The following VPS54 variants were observed in gnomAD, a reference collection of about 807,000 sequenced individuals.
The protein encoded by VPS54 is vacuolar protein sorting-associated protein 54.
VPS54 carries 45 observed loss-of-function variants against 121.5 expected under a neutral mutation model. The observed-to-expected ratio is 0.37, with a 90% CI of 0.29 to 0.47. The LOEUF is 0.47. Among genes scored for constraint, VPS54 ranks in the 20% least tolerant of loss-of-function variants. The pLI is 0.99. For synonymous variants in VPS54, 371 were observed against 385.8 expected (o/e 0.96, Z 0.45); for missense variants, 1,090 against 1,131.4 (o/e 0.96, Z 0.52).
At chr2:63,971,713 T>A (rs1332826188) in intron 4 of VPS54, among the ~76,000 whole-genome samples, 2 of 152,224 alleles carry the variant, frequency 1.3e-5, no homozygotes, top group Non-Finnish European at 2.9e-5. Flanking sequence ...AGTGATACAA[T>A]TATTGGTTTC....
At chr2:64,010,124 G>C (rs961784051) in intron 1 of VPS54, among the ~76,000 whole-genome samples, 2 of 152,080 alleles carry the variant, frequency 1.3e-5, no homozygotes, top group Non-Finnish European at 2.9e-5. Context: ...TTACAGGCGT[G>C]AGCCACCGCG....
At chr2:63,949,295 A>G in intron 7 of VPS54, 132 bp from the exon 8 acceptor site, 2 of 883,364 alleles carry the variant, frequency 2.3e-6, no homozygotes, top group Non-Finnish European at 1.7e-6. Context: ...TTTTCAAAAA[A>G]TGAAGTCCTT....
chr2:63,924,550 G>T (rs1029044303), intron 12 of VPS54, among the ~76,000 whole-genome samples: 2 of 152,106 alleles, frequency 1.3e-5, no homozygotes, highest in Non-Finnish European at 2.9e-5. Context: ...ACAGTTGCTG[G>T]GCATGGTGGT....
intron 1 of VPS54, among the ~76,000 whole-genome samples, chr2:63,992,927 G>C (rs919504104): frequency 6.6e-6 from 1 of 152,144 alleles, no homozygotes; most frequent in Non-Finnish European, 1.5e-5. Flanking sequence ...ACTTCCTCAG[G>C]GAATGCTAAA....
intron 15 of VPS54, among the ~76,000 whole-genome samples, chr2:63,919,007 T>G (rs1436839898): frequency 2.0e-5 from 3 of 152,122 alleles, no homozygotes; most frequent in African/African-American, 7.2e-5. Context: ...TGTGCGAATG[T>G]GAAGTATACA....
At chr2:63,910,110 G>C (rs1447673107) in intron 20 of VPS54, among the ~76,000 whole-genome samples, 1 of 152,164 alleles carries the variant, frequency 6.6e-6, no homozygotes, top group African/African-American at 2.4e-5. Context: ...AACATGAAAG[G>C]TTAAAAACTG....
chr2:63,948,567 AT>A (rs1002499688), intron 8 of VPS54, among the ~76,000 whole-genome samples: 3 of 151,298 alleles, frequency 2.0e-5, no homozygotes, highest in African/African-American at 7.3e-5. Flanking sequence ...CACCCAGCTA[AT>A]TTTTTTATTT....
intron 20 of VPS54, among the ~76,000 whole-genome samples, chr2:63,907,652 C>G (rs376609472): frequency 6.6e-6 from 1 of 151,480 alleles, no homozygotes; most frequent in East Asian, 1.9e-4. Context: ...AAGGAGAAGA[C>G]AAGCCACAAA....
intron 21 of VPS54, among the ~76,000 whole-genome samples, chr2:63,899,232 A>G (rs1672571573): frequency 6.6e-6 from 1 of 152,236 alleles, no homozygotes; most frequent in African/African-American, 2.4e-5. Context: ...ACAAATGGAA[A>G]ACCTACTTTT....
intron 20 of VPS54, among the ~76,000 whole-genome samples, chr2:63,907,245 G>A (rs943013607): frequency 5.3e-5 from 8 of 152,088 alleles, no homozygotes; most frequent in East Asian, 1.9e-4. Context: ...TTGGCCGGAC[G>A]CAGTGGCTCA....
At chr2:63,996,428 C>T (rs923409560) in intron 1 of VPS54, among the ~76,000 whole-genome samples, 19 of 152,042 alleles carry the variant, frequency 1.2e-4, no homozygotes, top group African/African-American at 2.7e-4. Flanking sequence ...GTGATGATTG[C>T]GTTAACTGCA....
At chr2:63,935,460 C>T (rs1350968749) in intron 11 of VPS54, among the ~76,000 whole-genome samples, 1 of 152,128 alleles carries the variant, frequency 6.6e-6, no homozygotes, top group African/African-American at 2.4e-5. Context: ...GCTGTCCAAT[C>T]TTGGATATAC....
rs373968483 is a variant in VPS54, at chr2:63,948,864, A to C, written c.1137+173T>G. ...TTATTTTATTCTCTAATTCCATAGGATAGTGAACAATCATGGTGCTTGCTC... is the reference window on the plus strand; with the variant it reads ...TTATTTTATTCTCTAATTCCATAGGCTAGTGAACAATCATGGTGCTTGCTC... On this transcript the variant is annotated intron_variant, in intron 8 of 22. Coordinates refer to ENST00000272322, the MANE Select transcript of VPS54 (RefSeq NM_016516.3). 6.6e-5 allele frequency among the ~76,000 whole-genome samples: 10 copies of C among 152,324 alleles called. No homozygotes were observed. The South Asian group carries it at 1.7e-3, about 25-fold the overall frequency.
chr2:63,955,103 T>C (rs746627733), intron 7 of VPS54, among the ~76,000 whole-genome samples: 21 of 152,014 alleles, frequency 1.4e-4, no homozygotes, highest in Non-Finnish European at 2.8e-4. Context: ...TAATGAAATA[T>C]TTATGAATGA....
chr2:63,994,622 T>A (rs1677494196), intron 1 of VPS54, among the ~76,000 whole-genome samples: 2 of 152,224 alleles, frequency 1.3e-5, no homozygotes. Context: ...GGGCTGCTTA[T>A]CTTCCAGAGA....
At chr2:63,976,892 G>A (rs1052899237) in intron 3 of VPS54, among the ~76,000 whole-genome samples, 8 of 132,184 alleles carry the variant, frequency 6.1e-5, no homozygotes, top group South Asian at 4.8e-4. Flanking sequence ...GCAATGGCAC[G>A]ATCTCAGCTC....
At chr2:63,996,103 G>A (rs986789094) in intron 1 of VPS54, among the ~76,000 whole-genome samples, 1 of 152,198 alleles carries the variant, frequency 6.6e-6, no homozygotes, top group African/African-American at 2.4e-5. Flanking sequence ...CATCACCATG[G>A]CACATTTATA....
intron 1 of VPS54, among the ~76,000 whole-genome samples, chr2:63,994,545 G>A (rs1322754695): frequency 1.3e-5 from 2 of 152,094 alleles, no homozygotes; most frequent in Non-Finnish European, 2.9e-5. Context: ...TGTTACCATG[G>A]GTTACAAACA....
chr2:63,986,397 T>C (rs1423108397), intron 1 of VPS54, among the ~76,000 whole-genome samples: 1 of 152,194 alleles, frequency 6.6e-6, no homozygotes, highest in African/African-American at 2.4e-5. Context: ...CTGGCTTACA[T>C]AGTGACCTCC....
Sources: allele counts gnomAD v4.1 joint callset (sites outside exome capture counted in the v4.1 genomes callset), GRCh38; gene constraint gnomAD v4.1.1; transcripts MANE v1.5; gene names NCBI Gene and HGNC (gene_info 2026-07-23, HGNC 2026-07-21).